The following SORCS1 variants were observed in gnomAD, a reference collection of about 807,000 sequenced individuals.
SORCS1 encodes sortilin related VPS10 domain containing receptor 1, also known as VPS10 domain-containing receptor SorCS1.
In SORCS1, 60 loss-of-function variants were observed where a neutral mutation model predicts 146.1. The observed-to-expected ratio is 0.41, with a 90% CI of 0.33 to 0.51. The LOEUF is 0.51. Among genes scored for constraint, SORCS1 ranks in the 20% least tolerant of loss-of-function variants. SORCS1 has a pLI of 0.21. For synonymous variants in SORCS1, 637 were observed against 584.0 expected (o/e 1.09, Z -1.31); for missense variants, 1,352 against 1,487.6 (o/e 0.91, Z 1.50).
intron 1 of SORCS1, among the ~76,000 whole-genome samples, chr10:107,031,717 C>A (rs893777849): frequency 3.3e-5 from 5 of 151,928 alleles, no homozygotes; most frequent in African/African-American, 9.7e-5. Flanking sequence ...AAACAGTCCT[C>A]CCTCCTCGCC....
intron 3 of SORCS1, among the ~76,000 whole-genome samples, chr10:106,809,127 G>A (rs896321018): frequency 1.2e-4 from 18 of 151,722 alleles, no homozygotes; most frequent in African/African-American, 3.4e-4. Context: ...GGCTTTTTTC[G>A]TTCTTCTTCT....
At position 106,964,288 on chromosome 10, in the gene SORCS1, C is replaced by G. The variant is rs551083836; in HGVS notation, c.559-7708G>C. ...AAAAGGCTTTGGAACCAGAAGACGA[C>G]CAGATTTTGATTTTTAATTAATTAT... On this transcript the variant is annotated intron_variant, in intron 1 of 25. Coordinates refer to ENST00000263054, the MANE Select transcript of SORCS1 (RefSeq NM_052918.5). Among the ~76,000 whole-genome samples the G allele has an allele frequency of 5.3e-5, 8 of 151,942 alleles. 1 individual carries two copies. The highest frequency in any genetic ancestry group is 3.2e-3 in the Middle Eastern group (1 of 316).
chr10:106,667,888 C>T (rs1851288555), intron 16 of SORCS1, 86 bp from the exon 17 acceptor site: 1 of 780,770 alleles, frequency 1.3e-6, no homozygotes, highest in South Asian at 1.7e-5. Flanking sequence ...CCAAGTTCCA[C>T]ACTAATCAAT....
intron 1 of SORCS1, among the ~76,000 whole-genome samples, chr10:106,993,082 G>A (rs111280988): frequency 0.048 from 7,315 of 151,824 alleles, 526 homozygotes; most frequent in African/African-American, 0.16. Flanking sequence ...TGCCGGCCTC[G>A]GCCTCCCAAA....
intron 3 of SORCS1, among the ~76,000 whole-genome samples, chr10:106,828,156 T>A (rs940393760): frequency 1.3e-5 from 2 of 152,210 alleles, no homozygotes; most frequent in Admixed American, 6.5e-5. Flanking sequence ...CTTGGAGAGA[T>A]TAAGTAAATC....
chr10:106,770,738 G>C (rs990247025), intron 4 of SORCS1, among the ~76,000 whole-genome samples: 2 of 152,182 alleles, frequency 1.3e-5, no homozygotes, highest in Non-Finnish European at 2.9e-5. Flanking sequence ...GGTGACATTG[G>C]ACCCACCTTC....
chr10:106,761,319 A>C (rs567532490), intron 5 of SORCS1, among the ~76,000 whole-genome samples: 10 of 152,316 alleles, frequency 6.6e-5, no homozygotes, highest in Admixed American at 5.9e-4. Flanking sequence ...CCAAAATATA[A>C]CAAAGCAATT....
chr10:106,706,207 A>AAAG (rs571295976), intron 8 of SORCS1, among the ~76,000 whole-genome samples: 1 of 150,740 alleles, frequency 6.6e-6, no homozygotes, highest in Middle Eastern at 3.4e-3. Flanking sequence ...AGAAAGAAAG[A>AAAG]AAAAAGAAAG....
intron 1 of SORCS1, among the ~76,000 whole-genome samples, chr10:107,115,677 C>T (rs576337424): frequency 6.6e-6 from 1 of 152,196 alleles, no homozygotes; most frequent in Non-Finnish European, 1.5e-5. Context: ...AGCTCCCTGA[C>T]ATTGGCTTTG....
At chr10:106,843,941 A>G (rs534217828) in intron 2 of SORCS1, among the ~76,000 whole-genome samples, 1 of 152,194 alleles carries the variant, frequency 6.6e-6, no homozygotes, top group African/African-American at 2.4e-5. Flanking sequence ...CTGGATCTAT[A>G]TGGAGCATAT....
intron 20 of SORCS1, 125 bp downstream of exon 20, chr10:106,620,303 T>C: frequency 8.0e-7 from 1 of 1,247,590 alleles, no homozygotes; most frequent in South Asian, 1.6e-5. Flanking sequence ...CAAGGGAGCT[T>C]GTTGTCCTTG....
intron 1 of SORCS1, among the ~76,000 whole-genome samples, chr10:107,140,907 G>A (rs117071676): frequency 6.2e-4 from 94 of 152,204 alleles, no homozygotes; most frequent in Non-Finnish European, 1.1e-3. Flanking sequence ...AATATTTCCC[G>A]ACTGGTAAAC....
intron 1 of SORCS1, among the ~76,000 whole-genome samples, chr10:107,053,221 G>A (rs1960289290): frequency 6.6e-6 from 1 of 152,136 alleles, no homozygotes; most frequent in Admixed American, 6.6e-5. Flanking sequence ...GCAGAGTACT[G>A]ATGCATTAGT....
At chr10:107,142,970 C>T (rs79821273) in intron 1 of SORCS1, among the ~76,000 whole-genome samples, 2,013 of 152,270 alleles carry the variant, frequency 0.013, 39 homozygotes, top group African/African-American at 0.046. Flanking sequence ...TATGTTATAC[C>T]TCCAGAAGCA....
chr10:107,173,041 A>G, the SORCS1 span, among the ~76,000 whole-genome samples: 2 of 152,188 alleles, frequency 1.3e-5, no homozygotes, highest in Non-Finnish European at 2.9e-5. Flanking sequence ...TACAACCACA[A>G]AGATGAAGAT....
At chr10:106,987,227 T>C (rs1295738105) in intron 1 of SORCS1, among the ~76,000 whole-genome samples, 1 of 152,226 alleles carries the variant, frequency 6.6e-6, no homozygotes, top group African/African-American at 2.4e-5. Flanking sequence ...TTTATTCTGG[T>C]ACATAGTCTT....
intron 2 of SORCS1, among the ~76,000 whole-genome samples, chr10:106,864,297 G>A (rs1198876754): frequency 6.6e-6 from 1 of 152,182 alleles, no homozygotes; most frequent in African/African-American, 2.4e-5. Flanking sequence ...GCAACACAAA[G>A]CCAGGGTAAC....
At chr10:107,177,307 G>A in the SORCS1 span, among the ~76,000 whole-genome samples, 5 of 152,056 alleles carry the variant, frequency 3.3e-5, no homozygotes, top group African/African-American at 1.2e-4. Flanking sequence ...TAGATTCACA[G>A]TAGTGGTGAT....
At chr10:106,592,900 G>A (rs1244695212) in intron 24 of SORCS1, among the ~76,000 whole-genome samples, 1 of 151,908 alleles carries the variant, frequency 6.6e-6, no homozygotes, top group Non-Finnish European at 1.5e-5. Context: ...CACTTTGGGA[G>A]GCTGAGGCAG....
Sources: allele counts gnomAD v4.1 joint callset (sites outside exome capture counted in the v4.1 genomes callset), GRCh38; gene constraint gnomAD v4.1.1; transcripts MANE v1.5; gene names NCBI Gene and HGNC (gene_info 2026-07-23, HGNC 2026-07-21).